The following IL1R1 variants were observed in gnomAD, a reference collection of about 807,000 sequenced individuals.
IL1R1 encodes interleukin-1 receptor type 1.
A neutral mutation model predicts 50.2 loss-of-function variants in IL1R1; 22 were observed. The ratio of observed to expected loss-of-function variants is 0.44; its 90% CI spans 0.31 to 0.63. The LOEUF (loss-of-function observed/expected upper bound fraction) is 0.63. Ranked by LOEUF, IL1R1 falls within the 20% of genes least tolerant of loss-of-function variation. IL1R1 has a pLI of 0.07. For missense variants in IL1R1, 509 were observed against 676.2 expected (o/e 0.75, Z 2.74); for synonymous variants, 251 against 236.7 (o/e 1.06, Z -0.55).
At chr2:102,083,073 G>C (rs555293054) in intron 1 of IL1R1, among the ~76,000 whole-genome samples, 1 of 152,172 alleles carries the variant, frequency 6.6e-6, no homozygotes, top group East Asian at 1.9e-4. Context: ...GGGCTGGCAC[G>C]TGACTTTGCA....
chr2:102,076,644 T>C (rs374426399), intron 1 of IL1R1, among the ~76,000 whole-genome samples: 1 of 152,228 alleles, frequency 6.6e-6, no homozygotes, highest in African/African-American at 2.4e-5. Flanking sequence ...TAGGGTCTTT[T>C]GGCTTGCATT....
chr2:102,088,578 G>T (rs532002516), intron 1 of IL1R1, among the ~76,000 whole-genome samples: 1 of 152,200 alleles, frequency 6.6e-6, no homozygotes, highest in Non-Finnish European at 1.5e-5. Flanking sequence ...AGAAATGGAC[G>T]TTGGCGTCAA....
At chr2:102,092,666 G>A (rs1034730601) in intron 1 of IL1R1, among the ~76,000 whole-genome samples, 6 of 152,134 alleles carry the variant, frequency 3.9e-5, no homozygotes, top group African/African-American at 1.4e-4. Flanking sequence ...CGAGAACAGG[G>A]CAAAGGGGAG....
chr2:102,080,842 G>C (rs1055883505), intron 1 of IL1R1, among the ~76,000 whole-genome samples: 2 of 152,158 alleles, frequency 1.3e-5, no homozygotes, highest in African/African-American at 2.4e-5. Context: ...ACAATATGCA[G>C]TATATCCAAA....
intron 3 of IL1R1, among the ~76,000 whole-genome samples, chr2:102,163,933 C>G (rs1345234354): frequency 1.3e-5 from 2 of 152,108 alleles, no homozygotes; most frequent in Non-Finnish European, 2.9e-5. Flanking sequence ...AAAGTTTATT[C>G]TTGGCCTAAT....
At chr2:102,155,768 A>G (rs897402705) in intron 2 of IL1R1, among the ~76,000 whole-genome samples, 3 of 152,188 alleles carry the variant, frequency 2.0e-5, no homozygotes, top group African/African-American at 4.8e-5. Context: ...TTAGAGGAGG[A>G]TGAGGTCTGA....
intron 1 of IL1R1, among the ~76,000 whole-genome samples, chr2:102,096,470 A>C (rs1353787445): frequency 6.6e-6 from 1 of 152,156 alleles, no homozygotes; most frequent in Non-Finnish European, 1.5e-5. Flanking sequence ...TGGGTTTTTA[A>C]GTTAGGTATC....
Position 102,166,273 on chromosome 2 carries a change from T to A in IL1R1, c.647T>A (p.Ile216Asn). The change falls in exon 6 of 12, where the codon ATT becomes AAT. Residue 216 changes from isoleucine (I) to asparagine (N), a missense_variant. Coordinates refer to ENST00000410023, the MANE Select transcript of IL1R1 (RefSeq NM_000877.4). Reference sequence around the variant, plus strand: ...CCTATTACCCGGGTAATAGAATTTATTACTCTAGGTGAGTCATAGCTCCAG... The same window carrying A: ...CCTATTACCCGGGTAATAGAATTTAATACTCTAGGTGAGTCATAGCTCCAG... ...QYPITRVIEFITLEENKPTRP... is the reference protein window; with the variant it reads ...QYPITRVIEFNTLEENKPTRP... 1 of 1,612,634 alleles carries A rather than the reference T, an allele frequency of 6.2e-7. No homozygotes were observed.
chr2:102,090,626 T>C (rs1679624556), intron 1 of IL1R1, among the ~76,000 whole-genome samples: 1 of 152,226 alleles, frequency 6.6e-6, no homozygotes, highest in South Asian at 2.1e-4. Context: ...TATTATATTT[T>C]TCAGTTCTAG....
chr2:102,121,246 C>G (rs545705154), intron 1 of IL1R1, among the ~76,000 whole-genome samples: 2 of 152,256 alleles, frequency 1.3e-5, no homozygotes, highest in South Asian at 4.2e-4. Flanking sequence ...CAGATGTCCG[C>G]CCCCCAACCC....
intron 11 of IL1R1, 74 bp from the exon 12 acceptor site, chr2:102,176,279 T>C (rs996811971): frequency 1.5e-6 from 2 of 1,328,812 alleles, no homozygotes; most frequent in African/African-American, 1.5e-5. Flanking sequence ...TGAAAAGCCT[T>C]GTGTGGCTTT....
In IL1R1 at chr2:102,172,940, C is replaced by G. The variant is rs1304564061; in HGVS notation, c.991+102C>G. Reference sequence around the variant, plus strand: ...TTTCCTCTGCTTAGAACACGCTTCACTTCCTCATTACTTGGGTAACTTCTA... The same window carrying G: ...TTTCCTCTGCTTAGAACACGCTTCAGTTCCTCATTACTTGGGTAACTTCTA... On this transcript the variant is annotated intron_variant, in intron 9 of 11. Transcript: ENST00000410023. 1.3e-5 allele frequency: 10 copies of G among 758,598 alleles called. No individual in the cohort carries two copies. The East Asian group carries it at 2.6e-4, about 19-fold the overall frequency. 47.0% of individuals were successfully genotyped at this position (758,598 alleles called of 1,614,324 possible).
chr2:102,142,189 G>A (rs1682698956), upstream of IL1R1: 1 of 152,172 alleles, frequency 6.6e-6, no homozygotes, highest in Non-Finnish European at 1.5e-5. Flanking sequence ...TATTTTATAT[G>A]TATTAGCTCA....
chr2:102,168,162 AC>A (rs1307283840), intron 6 of IL1R1, among the ~76,000 whole-genome samples: 2 of 152,144 alleles, frequency 1.3e-5, no homozygotes, highest in Middle Eastern at 3.2e-3. Flanking sequence ...TTATTCCATA[AC>A]CCTGTAGTTC....
chr2:102,083,962 A>G (rs1679329791), intron 1 of IL1R1, among the ~76,000 whole-genome samples: 1 of 151,958 alleles, frequency 6.6e-6, no homozygotes, highest in East Asian at 1.9e-4. Flanking sequence ...AAAAGTGGAA[A>G]TAGCAATATG....
chr2:102,177,531 C>T lies in IL1R1; in HGVS notation c.*772C>T, dbSNP rs1008506864. ...GGGAGACATATTCTTGGAGAACTTT[C>T]CATCTGCTTGTATTTTCCATACACA... is the stretch of plus-strand genomic sequence containing the variant. On this transcript the variant is annotated 3_prime_UTR_variant, in exon 12 of 12. Coordinates refer to ENST00000410023, the MANE Select transcript of IL1R1 (RefSeq NM_000877.4). The T allele has an allele frequency of 6.5e-6, 1 of 152,844 alleles. No individual in the cohort carries two copies. Among genetic ancestry groups the T allele is most frequent in the African/African-American group, 2.4e-5 (1 of 41,452 alleles). The allele number at this position is 152,844 out of a possible 1,614,324, so 9.5% of individuals were successfully genotyped here.
At chr2:102,139,478 C>T (rs1682520770), upstream of IL1R1, among the ~76,000 whole-genome samples, 1 of 152,248 alleles carries the variant, frequency 6.6e-6, no homozygotes, top group Non-Finnish European at 1.5e-5. Flanking sequence ...TCAACCTCTT[C>T]AGTCAGGAGG....
At chr2:102,160,328 CT>C (rs1231651573) in intron 3 of IL1R1, among the ~76,000 whole-genome samples, 1 of 151,960 alleles carries the variant, frequency 6.6e-6, no homozygotes, top group Non-Finnish European at 1.5e-5. Context: ...AAAGAATCTG[CT>C]TTTGGTATCT....
intron 1 of IL1R1, among the ~76,000 whole-genome samples, chr2:102,074,944 CATTA>C (rs747519384): frequency 1.2e-4 from 19 of 152,016 alleles, no homozygotes; most frequent in African/African-American, 3.4e-4. Context: ...ATATTTAACT[CATTA>C]ATTATCTAAC....
Sources: allele counts gnomAD v4.1 joint callset (sites outside exome capture counted in the v4.1 genomes callset), GRCh38; gene constraint gnomAD v4.1.1; transcripts MANE v1.5; gene names NCBI Gene and HGNC (gene_info 2026-07-23, HGNC 2026-07-21).